Variants in UBE2G2 observed in about 807,000 individuals in gnomAD.
UBE2G2 encodes the protein ubiquitin conjugating enzyme E2 G2, also known as ubiquitin-conjugating enzyme E2 G2.
In UBE2G2, 10 loss-of-function variants were observed where a neutral mutation model predicts 23.0. That is an observed-to-expected ratio of 0.43 (90% CI 0.27 to 0.74). UBE2G2 has a LOEUF of 0.74. UBE2G2 is among the 30% of genes least tolerant of loss of function. The pLI is 0.19. For synonymous variants in UBE2G2, 86 were observed against 81.3 expected (o/e 1.06, Z -0.31); for missense variants, 150 against 218.3 (o/e 0.69, Z 1.97).
chr21:44,785,336 G>C (rs1042806156), intron 3 of UBE2G2, among the ~76,000 whole-genome samples: 1 of 152,126 alleles, frequency 6.6e-6, no homozygotes, highest in Non-Finnish European at 1.5e-5. Flanking sequence ...CACAGCCTGC[G>C]GACTCTCATT....
chr21:44,777,197 T>C (rs1444864118), intron 4 of UBE2G2, 102 bp downstream of exon 4: 5 of 985,254 alleles, frequency 5.1e-6, no homozygotes, highest in East Asian at 2.4e-5. Flanking sequence ...TTTCTAAAGA[T>C]CTACATCATA....
chr21:44,786,443 A>G (rs934081487), intron 3 of UBE2G2, among the ~76,000 whole-genome samples: 1 of 152,130 alleles, frequency 6.6e-6, no homozygotes, highest in African/African-American at 2.4e-5. Flanking sequence ...AGCAATTAGG[A>G]TATTACAAAT....
intron 1 of UBE2G2, chr21:44,801,418 TAGAAG>T (rs1293223828): frequency 7.3e-6 from 9 of 1,226,960 alleles, no homozygotes; most frequent in Admixed American, 4.5e-5. Flanking sequence ...AAAGAAAAAA[TAGAAG>T]AGAAAAAAAC....
At chr21:44,795,063 G>A (rs1260629247) in intron 1 of UBE2G2, among the ~76,000 whole-genome samples, 4 of 152,110 alleles carry the variant, frequency 2.6e-5, no homozygotes, top group South Asian at 4.1e-4. Context: ...AGGAGTTAGA[G>A]ACCAGCCTAG....
Position 44,772,145 on chromosome 21 carries a change from C to T in UBE2G2, c.386-656G>A, listed in dbSNP as rs1462020505. The stretch of plus-strand genomic sequence containing the variant: ...GTGCTGAGGCAGCAGCTGTGCAGTG[C>T]GGCGGTGGCGCTGCTCAGAATGCAC... On this transcript the variant is annotated intron_variant, in intron 5 of 5. Transcript: ENST00000345496. The surrounding 1 kb of genome is among the most constrained non-coding windows in gnomAD (Gnocchi z 5.4). 1.3e-5 allele frequency among the ~76,000 whole-genome samples: 2 copies of T among 152,164 alleles called. No homozygotes were observed. Among genetic ancestry groups the T allele is most frequent in the Non-Finnish European group, 2.9e-5 (2 of 68,026 alleles).
At chr21:44,800,300 C>A (rs1209899193) in intron 1 of UBE2G2, 1 of 151,986 alleles carries the variant, frequency 6.6e-6, no homozygotes. Context: ...AGGTGGCGAG[C>A]GTTATTTGAA....
At chr21:44,795,350 G>C (rs946520883) in intron 1 of UBE2G2, among the ~76,000 whole-genome samples, 6 of 152,154 alleles carry the variant, frequency 3.9e-5, no homozygotes, top group Non-Finnish European at 7.3e-5. Context: ...TTTTAAAACT[G>C]GAAGGGCGCA....
At chr21:44,799,180 C>A (rs2083116281) in intron 1 of UBE2G2, among the ~76,000 whole-genome samples, 1 of 152,152 alleles carries the variant, frequency 6.6e-6, no homozygotes, top group Admixed American at 6.5e-5. Context: ...CTCTAGAGCT[C>A]AGAGTAGATT....
intron 1 of UBE2G2, among the ~76,000 whole-genome samples, chr21:44,793,413 G>A (rs747417277): frequency 5.6e-4 from 85 of 152,330 alleles, no homozygotes; most frequent in Non-Finnish European, 5.6e-4. Context: ...TGCAGCTCCA[G>A]ACCTGCTCCT....
rs1601173240 is a variant in UBE2G2, at chr21:44,771,622, C to T, written c.386-133G>A. ...GTCCCAGAAACAAAGAACCTGAGAA[C>T]TGCATGGGGTCGGCCCCACCTCTAG... On this transcript the variant is annotated intron_variant, in intron 5 of 5. Transcript: ENST00000345496. The surrounding 1 kb of genome is among the most constrained non-coding windows in gnomAD (Gnocchi z 4.6). 2.1e-6 allele frequency: 2 copies of T among 941,012 alleles called. No homozygotes were observed. Among genetic ancestry groups the T allele is most frequent in the East Asian group, 4.9e-5 (2 of 40,614 alleles). The allele number at this position is 941,012 out of a possible 1,614,324, so 58.3% of individuals were successfully genotyped here.
At chr21:44,787,886 G>A (rs190704915) in intron 3 of UBE2G2, 34 bp downstream of exon 3, 211 of 1,608,510 alleles carry the variant, frequency 1.3e-4, no homozygotes, top group Admixed American at 6.8e-5. Flanking sequence ...TTCCAGCAAA[G>A]CCCTAAAAAC....
chr21:44,795,644 A>G (rs1431931430), intron 1 of UBE2G2, among the ~76,000 whole-genome samples: 1 of 149,076 alleles, frequency 6.7e-6, no homozygotes, highest in East Asian at 1.9e-4. Context: ...AAAAAAAAAG[A>G]AAGAAAGAAA....
In UBE2G2 at chr21:44,769,274, T is replaced by C. The variant is rs1227298287; in HGVS notation, c.*2103A>G. ...CGTCTACTTGCACAAATGACTCTTCTTTACAGAGAGGGCTCCATCTCATTT... is the reference window on the plus strand; with the variant it reads ...CGTCTACTTGCACAAATGACTCTTCCTTACAGAGAGGGCTCCATCTCATTT... On this transcript the variant is annotated 3_prime_UTR_variant, in exon 6 of 6. Coordinates refer to ENST00000345496, the MANE Select transcript of UBE2G2 (RefSeq NM_003343.6). The C allele has an allele frequency of 6.6e-6, 1 of 152,234 alleles. No homozygotes were observed. The highest frequency in any genetic ancestry group is 1.5e-5 in the Non-Finnish European group (1 of 68,056). The allele number at this position is 152,234 out of a possible 1,614,324, so 9.4% of individuals were successfully genotyped here.
At chr21:44,785,294 G>A (rs1478598556) in intron 3 of UBE2G2, among the ~76,000 whole-genome samples, 3 of 152,226 alleles carry the variant, frequency 2.0e-5, no homozygotes, top group African/African-American at 7.2e-5. Flanking sequence ...GAGCGTGGCA[G>A]GGTCAGCAGA....
At chr21:44,798,426 G>T (rs2083110857) in intron 1 of UBE2G2, among the ~76,000 whole-genome samples, 1 of 152,218 alleles carries the variant, frequency 6.6e-6, no homozygotes, top group East Asian at 1.9e-4. Flanking sequence ...CTGTGATGTT[G>T]TTTGACAGCA....
chr21:44,801,817 G>T lies in UBE2G2; in HGVS notation c.-69C>A. The T allele has an allele frequency of 6.8e-7, 1 of 1,480,508 alleles. No individual in the cohort carries two copies. Among genetic ancestry groups the T allele is most frequent in the Non-Finnish European group, 8.9e-7 (1 of 1,120,418 alleles). 91.7% of individuals were successfully genotyped at this position (1,480,508 alleles called of 1,614,324 possible). ...GCGTGCCTCCTGCCCCGACACCGGG[G>T]ACTGCTTCCGGGCCACCGTCGCGGG... On this transcript the variant is annotated 5_prime_UTR_variant, in exon 1 of 6. Coordinates refer to ENST00000345496, the MANE Select transcript of UBE2G2 (RefSeq NM_003343.6).
At chr21:44,800,121 A>T (rs2083123258) in intron 1 of UBE2G2, 1 of 152,262 alleles carries the variant, frequency 6.6e-6, no homozygotes. Flanking sequence ...AATGTAAGAG[A>T]GAGACACGAA....
At chr21:44,789,796 G>T (rs549996967) in intron 1 of UBE2G2, among the ~76,000 whole-genome samples, 42 of 152,286 alleles carry the variant, frequency 2.8e-4, no homozygotes, top group African/African-American at 5.8e-4. Context: ...CCTAATGTAT[G>T]TGGTATTGGG....
At chr21:44,779,930 A>G (rs926179013) in intron 3 of UBE2G2, among the ~76,000 whole-genome samples, 1 of 152,228 alleles carries the variant, frequency 6.6e-6, no homozygotes, top group African/African-American at 2.4e-5. Context: ...AACACTGTTC[A>G]TATGTCAGGA....
Sources: gnomAD v4.1 joint callset for allele counts (sites outside exome capture counted in the v4.1 genomes callset) on GRCh38, gnomAD v4.1.1 for gene constraint, Gnocchi (gnomAD v3.1) non-coding constraint, MANE v1.5 for transcripts, NCBI Gene and HGNC (gene_info 2026-07-23, HGNC 2026-07-21) for gene names.